The following DGAT2 variants were observed in gnomAD, a reference collection of about 807,000 sequenced individuals.
DGAT2 encodes acyl-CoA retinol O-fatty-acyltransferase.
A neutral mutation model predicts 48.4 loss-of-function variants in DGAT2; 33 were observed. The ratio of observed to expected loss-of-function variants is 0.68; its 90% confidence interval spans 0.52 to 0.91. The LOEUF (loss-of-function observed/expected upper bound fraction) is 0.91. DGAT2 is among the 40% of genes least tolerant of loss of function. The probability of loss-of-function intolerance (pLI) is 0.00; values close to 1 mark genes in which losing one functional copy is unlikely to be tolerated. For synonymous variants in DGAT2, 191 were observed against 194.1 expected (o/e 0.98, Z 0.13); for missense variants, 446 against 493.7 (o/e 0.90, Z 0.92).
At chr11:75,782,063 C>T (rs537577892) in intron 1 of DGAT2, among the ~76,000 whole-genome samples, 2 of 152,240 alleles carry the variant, frequency 1.3e-5, no homozygotes, top group South Asian at 2.1e-4. Context: ...TCCCAGCATG[C>T]CTCTTCCCTA....
intron 2 of DGAT2, among the ~76,000 whole-genome samples, chr11:75,787,231 C>G (rs1029749222): frequency 6.6e-6 from 1 of 152,196 alleles, no homozygotes; most frequent in African/African-American, 2.4e-5. Flanking sequence ...TCATTTGTTT[C>G]CCCATCCAAG....
chr11:75,790,783 G>C, intron 4 of DGAT2, 52 bp downstream of exon 4: 2 of 1,597,614 alleles, frequency 1.3e-6, no homozygotes, highest in Admixed American at 3.3e-5. Context: ...TGGGAAATCT[G>C]AACTCAGGCC....
Position 75,800,919 on chromosome 11 carries a change from G to A in DGAT2, c.*411G>A, listed in dbSNP as rs898784774. On this transcript the variant is annotated 3_prime_UTR_variant, in exon 8 of 8. Coordinates refer to ENST00000228027, the MANE Select transcript of DGAT2 (RefSeq NM_032564.5). Reference sequence around the variant, plus strand: ...CCTTTATTGCCACTACCCCACGCTCGTCTAGTCCTGAAACTGCAGGACCAG... The same window carrying A: ...CCTTTATTGCCACTACCCCACGCTCATCTAGTCCTGAAACTGCAGGACCAG... 5.7e-5 allele frequency: 11 copies of A among 192,750 alleles called. No individual in the cohort carries two copies. Among genetic ancestry groups the A allele is most frequent in the Admixed American group, 5.7e-5 (1 of 17,492 alleles). The allele number at this position is 192,750 out of a possible 1,614,324, so 11.9% of individuals were successfully genotyped here. A position where few individuals can be genotyped will look rare whatever the true frequency, so the allele number is the denominator to read the frequency against.
intron 4 of DGAT2, chr11:75,794,782 T>C (rs7944950): frequency 0.12 from 18,261 of 152,230 alleles, 1,250 homozygotes; most frequent in East Asian, 0.23. Context: ...AAAAAGAGCA[T>C]GTATATTTTT....
At chr11:75,774,332 C>T (rs1466259768) in intron 1 of DGAT2, among the ~76,000 whole-genome samples, 4 of 152,230 alleles carry the variant, frequency 2.6e-5, no homozygotes, top group Non-Finnish European at 4.4e-5. Context: ...TCAGTCTCCT[C>T]ATCTATGAAA....
chr11:75,789,050 T>C (rs1944954769), intron 2 of DGAT2, among the ~76,000 whole-genome samples: 1 of 152,196 alleles, frequency 6.6e-6, no homozygotes, highest in African/African-American at 2.4e-5. Context: ...TTCCTTTCTG[T>C]GCCAGGCTAG....
intron 4 of DGAT2, chr11:75,794,729 A>G (rs978231442): frequency 1.3e-5 from 2 of 152,194 alleles, no homozygotes; most frequent in Non-Finnish European, 2.9e-5. Context: ...AAAATGATAT[A>G]AAAATGATAT....
chr11:75,789,071 CTT>C (rs1377549453), intron 2 of DGAT2, among the ~76,000 whole-genome samples: 1 of 152,036 alleles, frequency 6.6e-6, no homozygotes, highest in Non-Finnish European at 1.5e-5. Context: ...ATTAGTCTCT[CTT>C]ATGACCTACA....
chr11:75,777,183 C>T (rs1436067308), intron 1 of DGAT2, among the ~76,000 whole-genome samples: 2 of 151,266 alleles, frequency 1.3e-5, no homozygotes, highest in Admixed American at 6.6e-5. Flanking sequence ...GCTGTTCACA[C>T]CTCTCTTAGC....
chr11:75,773,855 A>G (rs960522629), intron 1 of DGAT2: 2 of 152,286 alleles, frequency 1.3e-5, no homozygotes, highest in African/African-American at 4.8e-5. Flanking sequence ...AGGTCAGGGA[A>G]GTCTTCCTGG....
intron 2 of DGAT2, among the ~76,000 whole-genome samples, chr11:75,786,605 A>G (rs1944925272): frequency 6.6e-6 from 1 of 152,148 alleles, no homozygotes; most frequent in African/African-American, 2.4e-5. Context: ...GCATCTTCTC[A>G]ACACCCTCGC....
Position 75,800,704 on chromosome 11 carries a change from G to T in DGAT2, c.*196G>T, listed in dbSNP as rs371424792. On this transcript the variant is annotated 3_prime_UTR_variant, in exon 8 of 8. Transcript: ENST00000228027. The stretch of plus-strand genomic sequence containing the variant: ...AGTTCTTTCACTTCCAGCTTGCCCT[G>T]TTCTAGGTGGTGGCTAAATCTGGGC... The T allele has an allele frequency of 8.9e-6, 6 of 674,712 alleles. No individual in the cohort carries two copies. Among genetic ancestry groups the T allele is most frequent in the East Asian group, 3.1e-5 (1 of 32,234 alleles). The allele number at this position is 674,712 out of a possible 1,614,324, so 41.8% of individuals were successfully genotyped here.
At position 75,768,957 on chromosome 11, in the gene DGAT2, C is replaced by A. The variant is rs771769500; in HGVS notation, c.-35C>A. On this transcript the variant is annotated 5_prime_UTR_variant, in exon 1 of 8. Coordinates refer to ENST00000228027, the MANE Select transcript of DGAT2 (RefSeq NM_032564.5). ...GGGCCAGGGGCGCGGGGTGAAGCGG[C>A]TTCCCGCGGGGCCGTGACTGGGCGG... The A allele has an allele frequency of 6.9e-7, 1 of 1,453,104 alleles. No individual in the cohort carries two copies. Among genetic ancestry groups the A allele is most frequent in the Middle Eastern group, 2.1e-4 (1 of 4,820 alleles). 90.0% of individuals were successfully genotyped at this position (1,453,104 alleles called of 1,614,324 possible).
chr11:75,784,884 C>A, intron 2 of DGAT2, 138 bp downstream of exon 2: 1 of 1,231,874 alleles, frequency 8.1e-7, no homozygotes, highest in Non-Finnish European at 1.1e-6. Context: ...CACCTTTCCA[C>A]ATCTATCTTT....
At position 75,797,692 on chromosome 11, in the gene DGAT2, C is replaced by G. The variant is rs147254824; in HGVS notation, c.809+360C>G. On this transcript the variant is annotated intron_variant, in intron 6 of 7. Transcript: ENST00000228027. ...GGCTGGGGGACAGCAGCTGTTTTCT[C>G]TGTCCCCTGGGGACCTTACCTCAGG... 3.3e-3 allele frequency among the ~76,000 whole-genome samples: 501 copies of G among 152,312 alleles called. 3 individuals are homozygous for G. The highest frequency in any genetic ancestry group is 0.011 in the African/African-American group (478 of 41,566).
intron 2 of DGAT2, among the ~76,000 whole-genome samples, chr11:75,786,565 A>G (rs1006136965): frequency 6.6e-6 from 1 of 152,222 alleles, no homozygotes; most frequent in South Asian, 2.1e-4. Flanking sequence ...ATAATTGATC[A>G]GACCCAACCA....
At chr11:75,776,136 C>T (rs1204685534) in intron 1 of DGAT2, 1 of 152,240 alleles carries the variant, frequency 6.6e-6, no homozygotes, top group Non-Finnish European at 1.5e-5. Flanking sequence ...AAGACCTTTC[C>T]CTCCTGATTC....
chr11:75,770,804 T>C (rs1183965932), intron 1 of DGAT2, among the ~76,000 whole-genome samples: 1 of 152,204 alleles, frequency 6.6e-6, no homozygotes, highest in East Asian at 1.9e-4. Flanking sequence ...GAAAACTTTT[T>C]TTTTTTTAAA....
At chr11:75,778,967 G>A (rs111690017) in intron 1 of DGAT2, among the ~76,000 whole-genome samples, 144 of 152,276 alleles carry the variant, frequency 9.5e-4, no homozygotes, top group African/African-American at 3.4e-3. Context: ...CCAGGCAAGG[G>A]CAGAGCTGGC....
Sources: allele counts gnomAD v4.1 joint callset (sites outside exome capture counted in the v4.1 genomes callset), GRCh38; gene constraint gnomAD v4.1.1; transcripts MANE v1.5; gene names NCBI Gene and HGNC (gene_info 2026-07-23, HGNC 2026-07-21).